Variants in TAGLN3 observed in about 807,000 individuals in gnomAD.
TAGLN3 encodes transgelin 3.
A neutral mutation model predicts 25.4 loss-of-function variants in TAGLN3; 12 were observed. That is an observed-to-expected ratio of 0.47 (90% CI 0.30 to 0.77). TAGLN3 has a LOEUF of 0.77. TAGLN3 is among the 30% of genes least tolerant of loss of function. The pLI is 0.06. For missense variants in TAGLN3, 218 were observed against 255.8 expected (o/e 0.85, Z 1.01); for synonymous variants, 96 against 94.8 (o/e 1.01, Z -0.08).
At position 112,013,399 on chromosome 3, in the gene TAGLN3, T is replaced by C. The variant is rs2073000262; in HGVS notation, c.459-11T>C. ...ATAATGACATTATTCCCTCTCACTT[T>C]CCTTGTCCAGGAAAGCCCAGCAGAA... is the stretch of plus-strand genomic sequence containing the variant. On this transcript the variant is annotated splice_polypyrimidine_tract_variant and intron_variant, in intron 4 of 4. Transcript: ENST00000478951. 6.2e-7 allele frequency: 1 copy of C among 1,607,358 alleles called. No homozygotes were observed. Among genetic ancestry groups the C allele is most frequent in the African/African-American group, 1.3e-5 (1 of 74,654 alleles).
chr3:112,004,391 G>C (rs1327598783), intron 3 of TAGLN3, among the ~76,000 whole-genome samples: 1 of 152,108 alleles, frequency 6.6e-6, no homozygotes, highest in East Asian at 1.9e-4. Flanking sequence ...AAGGTGGGGG[G>C]CGGGGGGTGT....
chr3:112,000,017 G>T (rs1353820550), intron 2 of TAGLN3, among the ~76,000 whole-genome samples: 1 of 152,192 alleles, frequency 6.6e-6, no homozygotes, highest in Non-Finnish European at 1.5e-5. Flanking sequence ...TCACATTCTT[G>T]TGGGAGCCAT....
rs73232059 is a variant in TAGLN3 at position 111,999,660 on chromosome 3, C to G, written c.180+58C>G. Reference sequence around the variant, plus strand: ...GGTGGGCAGGGAAACCCTCCAGGGCCCTTTCTTTTAACGTAAGGCTGCGGG... The same window carrying G: ...GGTGGGCAGGGAAACCCTCCAGGGCGCTTTCTTTTAACGTAAGGCTGCGGG... On this transcript the variant is annotated intron_variant, in intron 2 of 4. Transcript: ENST00000478951. 1.1e-5 allele frequency: 18 copies of G among 1,580,876 alleles called. No homozygotes were observed. The Admixed American group carries it at 2.6e-4, about 23-fold the overall frequency.
intron 3 of TAGLN3, among the ~76,000 whole-genome samples, chr3:112,006,698 T>C (rs2072920525): frequency 6.6e-6 from 1 of 152,256 alleles, no homozygotes; most frequent in Admixed American, 6.5e-5. Context: ...CCAATCCAAG[T>C]TGACACACCC....
chr3:112,000,826 A>C lies in TAGLN3; in HGVS notation c.235A>C (p.Lys79Gln). 1 of 1,614,152 alleles carries C rather than the reference A, an allele frequency of 6.2e-7. No homozygotes were observed. The highest frequency in any genetic ancestry group is 2.2e-5 in the East Asian group (1 of 44,888). ...CCCACCAGGACAAGAGCCCATACCC[A>C]AGATCTCAGAGTCAAAGATGGCTTT... is the stretch of plus-strand genomic sequence containing the variant. ...LYPPGQEPIPKISESKMAFKQ... is the reference protein window; with the variant it reads ...LYPPGQEPIPQISESKMAFKQ... Residue 79 changes from lysine to glutamine, a missense_variant, in exon 3 of 5, where the codon AAG (lysine) becomes CAG (glutamine). By Grantham distance (53) the Lys-to-Gln change is moderately conservative. Coordinates refer to ENST00000478951, the MANE Select transcript of TAGLN3 (RefSeq NM_001008272.2).
At chr3:112,007,951 C>T (rs2072935201) in intron 3 of TAGLN3, among the ~76,000 whole-genome samples, 1 of 152,166 alleles carries the variant, frequency 6.6e-6, no homozygotes. Context: ...CAGGAGACTG[C>T]CCCAGAATCT....
intron 3 of TAGLN3, among the ~76,000 whole-genome samples, chr3:112,011,142 G>GT (rs1441121639): frequency 6.6e-6 from 1 of 152,168 alleles, no homozygotes; most frequent in Non-Finnish European, 1.5e-5. Context: ...GGACAGGTCA[G>GT]TCAACTGGAA....
At chr3:112,003,936 G>A (rs1206712246) in intron 3 of TAGLN3, among the ~76,000 whole-genome samples, 2 of 152,150 alleles carry the variant, frequency 1.3e-5, no homozygotes, top group East Asian at 3.9e-4. Flanking sequence ...ACTTCTATAG[G>A]CTGAGGCCCC....
chr3:112,008,494 A>G (rs1377882634), intron 3 of TAGLN3, among the ~76,000 whole-genome samples: 1 of 152,018 alleles, frequency 6.6e-6, no homozygotes, highest in Non-Finnish European at 1.5e-5. Context: ...GTTGTTTTAT[A>G]CTTCGTGCAC....
intron 4 of TAGLN3, 34 bp downstream of exon 4, chr3:112,011,899 G>C (rs1377634629): frequency 6.2e-7 from 1 of 1,600,818 alleles, no homozygotes; most frequent in African/African-American, 1.3e-5. Context: ...TGGACCACAA[G>C]GCGATTTTAA....
intron 3 of TAGLN3, among the ~76,000 whole-genome samples, chr3:112,001,268 C>A (rs2072856581): frequency 6.6e-6 from 1 of 152,150 alleles, no homozygotes; most frequent in Non-Finnish European, 1.5e-5. Flanking sequence ...TCACAGCTAC[C>A]AGAGGAGAAG....
At chr3:112,005,414 G>T (rs774756) in intron 3 of TAGLN3, among the ~76,000 whole-genome samples, 117,559 of 152,068 alleles carry the variant, frequency 0.77, 47,801 homozygotes, top group Non-Finnish European at 0.91. Flanking sequence ...CAGTCTCATG[G>T]CTCTTCTTAG....
chr3:112,011,706 T>G, intron 3 of TAGLN3, 57 bp from the exon 4 acceptor site: 6 of 1,527,312 alleles, frequency 3.9e-6, no homozygotes, highest in Non-Finnish European at 4.5e-6. Context: ...GCCGTATCCT[T>G]CCAGCATTCC....
chr3:112,011,533 G>A (rs1342344296), intron 3 of TAGLN3, among the ~76,000 whole-genome samples: 2 of 152,210 alleles, frequency 1.3e-5, no homozygotes, highest in African/African-American at 2.4e-5. Flanking sequence ...GGTATCTCTG[G>A]TATGTACCAT....
intron 3 of TAGLN3, among the ~76,000 whole-genome samples, chr3:112,005,786 G>A (rs189034844): frequency 6.3e-4 from 88 of 138,768 alleles, no homozygotes; most frequent in African/African-American, 2.1e-3. Context: ...TGCAAGCTCC[G>A]CCTCCCAGGT....
intron 3 of TAGLN3, among the ~76,000 whole-genome samples, chr3:112,010,801 C>A (rs1235641095): frequency 6.6e-6 from 1 of 152,134 alleles, no homozygotes; most frequent in Non-Finnish European, 1.5e-5. Flanking sequence ...AAATGAAGAT[C>A]CTGAGCTGGA....
At chr3:112,000,566 A>G in intron 2 of TAGLN3, 1 of 512,020 alleles carries the variant, frequency 2.0e-6, no homozygotes, top group South Asian at 3.9e-5. Context: ...AGTAAGGAGC[A>G]GCATTAGGAA....
At chr3:112,000,152 G>T (rs1219816511) in intron 2 of TAGLN3, among the ~76,000 whole-genome samples, 2 of 152,150 alleles carry the variant, frequency 1.3e-5, no homozygotes, top group African/African-American at 4.8e-5. Flanking sequence ...TTTGAGGGCC[G>T]CAGGCTCTGT....
At chr3:112,005,157 A>G (rs1413508216) in intron 3 of TAGLN3, among the ~76,000 whole-genome samples, 1 of 151,842 alleles carries the variant, frequency 6.6e-6, no homozygotes, top group Non-Finnish European at 1.5e-5. Context: ...CTAGTTTCTC[A>G]GAGCCTCAGT....
Sources: gnomAD v4.1 joint callset for allele counts (sites outside exome capture counted in the v4.1 genomes callset) on GRCh38, gnomAD v4.1.1 for gene constraint, MANE v1.5 for transcripts, NCBI Gene and HGNC (gene_info 2026-07-23, HGNC 2026-07-21) for gene names.